The following NWD2 variants were observed in gnomAD, a reference collection of about 807,000 sequenced individuals.
NWD2 encodes NACHT and WD repeat domain containing 2.
Under a neutral mutation model 132.7 loss-of-function variants are expected in NWD2, and 37 were observed. That is an observed-to-expected ratio of 0.28 (90% CI 0.21 to 0.37). The LOEUF is 0.37. NWD2 is among the 10% of genes least tolerant of loss of function. The pLI, the probability that NWD2 is intolerant of heterozygous loss-of-function variation, is 1.00. For missense variants in NWD2, 1,592 were observed against 2,122.4 expected, an observed-to-expected ratio of 0.75 and a Z score of 4.91; for synonymous variants, 705 against 803.0, an observed-to-expected ratio of 0.88 and a Z score of 2.06.
intron 1 of NWD2, among the ~76,000 whole-genome samples, chr4:37,311,141 A>G (rs1718833064): frequency 6.6e-6 from 1 of 151,932 alleles, no homozygotes; most frequent in Non-Finnish European, 1.5e-5. Context: ...TCCTTTGGGT[A>G]TATACCCAGT....
chr4:37,425,224 A>G (rs1475534610), intron 3 of NWD2, among the ~76,000 whole-genome samples: 2 of 152,236 alleles, frequency 1.3e-5, no homozygotes, highest in Admixed American at 1.3e-4. Flanking sequence ...CTACATTTAC[A>G]GTGTTGTACA....
At chr4:37,330,059 A>G (rs1369826343) in intron 2 of NWD2, among the ~76,000 whole-genome samples, 1 of 152,228 alleles carries the variant, frequency 6.6e-6, no homozygotes, top group Non-Finnish European at 1.5e-5. Context: ...AGAAATTAAT[A>G]GAATATCAAT....
chr4:37,342,435 C>T (rs947475391), intron 2 of NWD2, among the ~76,000 whole-genome samples: 4 of 152,152 alleles, frequency 2.6e-5, no homozygotes, highest in Non-Finnish European at 5.9e-5. Context: ...TTATAAACTT[C>T]CCAGTCTCAG....
intron 1 of NWD2, among the ~76,000 whole-genome samples, chr4:37,256,717 C>T (rs146030764): frequency 6.6e-6 from 1 of 152,204 alleles, no homozygotes; most frequent in East Asian, 1.9e-4. Flanking sequence ...TTTACAGAAG[C>T]AATTTCAGTA....
At chr4:37,380,803 T>C (rs1720436588) in intron 3 of NWD2, among the ~76,000 whole-genome samples, 1 of 152,202 alleles carries the variant, frequency 6.6e-6, no homozygotes, top group Non-Finnish European at 1.5e-5. Flanking sequence ...AGCAGGCAGG[T>C]GGAATTCGGA....
chr4:37,342,592 C>A (rs368672786), intron 2 of NWD2, among the ~76,000 whole-genome samples: 1 of 152,174 alleles, frequency 6.6e-6, no homozygotes, highest in African/African-American at 2.4e-5. Flanking sequence ...CACAGACACA[C>A]AACAACTTCC....
chr4:37,348,663 T>TAC (rs1367570594), intron 2 of NWD2, among the ~76,000 whole-genome samples: 3 of 74,314 alleles, frequency 4.0e-5, no homozygotes, highest in African/African-American at 1.4e-4. Context: ...TATATATATA[T>TAC]ATATATATAT....
chr4:37,289,333 T>A (rs1718311191), intron 1 of NWD2, among the ~76,000 whole-genome samples: 1 of 152,208 alleles, frequency 6.6e-6, no homozygotes, highest in Non-Finnish European at 1.5e-5. Flanking sequence ...AGTACTTAGC[T>A]TTTGGATACT....
At chr4:37,332,475 A>ACCCAGTCC (rs1160850533) in intron 2 of NWD2, among the ~76,000 whole-genome samples, 1 of 144,416 alleles carries the variant, frequency 6.9e-6, no homozygotes, top group Non-Finnish European at 1.5e-5. Context: ...AAAAAAAAGG[A>ACCCAGTCC]CCCAGTCCTA....
At chr4:37,329,877 T>C (rs765726103) in intron 2 of NWD2, among the ~76,000 whole-genome samples, 107 of 152,014 alleles carry the variant, frequency 7.0e-4, no homozygotes, top group Non-Finnish European at 3.5e-4. Flanking sequence ...GTGTAGATAA[T>C]GAAACGTCAT....
chr4:37,416,032 A>C (rs1711588694), intron 3 of NWD2, among the ~76,000 whole-genome samples: 1 of 152,228 alleles, frequency 6.6e-6, no homozygotes, highest in Non-Finnish European at 1.5e-5. Flanking sequence ...AGGCATTCCA[A>C]GCATGGCTGA....
rs113200028 is a variant in NWD2, at chr4:37,371,809, C to T, written c.357+15327C>T. On this transcript the variant is annotated intron_variant, in intron 3 of 6. Transcript: ENST00000309447. Reference sequence around the variant, plus strand: ...TCTAATTTTGCCCTGCAATGCAGAACGCTTTTCCCTAAAAGTTTTCTAATG... The same window carrying T: ...TCTAATTTTGCCCTGCAATGCAGAATGCTTTTCCCTAAAAGTTTTCTAATG... Among the ~76,000 whole-genome samples the T allele has an allele frequency of 4.3e-3, 652 of 152,262 alleles. 5 individuals carry two copies. Among genetic ancestry groups the T allele is most frequent in the African/African-American group, 0.015 (623 of 41,542 alleles).
intron 1 of NWD2, among the ~76,000 whole-genome samples, chr4:37,262,737 C>T (rs1717666124): frequency 1.3e-5 from 2 of 152,084 alleles, no homozygotes; most frequent in African/African-American, 4.8e-5. Context: ...TGGTCCAACC[C>T]TTGAGAATAA....
At chr4:37,295,275 G>A (rs1328599785) in intron 1 of NWD2, among the ~76,000 whole-genome samples, 2 of 152,110 alleles carry the variant, frequency 1.3e-5, no homozygotes, top group African/African-American at 4.8e-5. Flanking sequence ...TCCAATCAAA[G>A]TATTCCTTAG....
chr4:37,434,657 A>G (rs900295750), intron 5 of NWD2, among the ~76,000 whole-genome samples: 1 of 152,174 alleles, frequency 6.6e-6, no homozygotes, highest in African/African-American at 2.4e-5. Flanking sequence ...CAGAACTGAC[A>G]GTGCCATATG....
chr4:37,360,732 A>G (rs181095682), intron 3 of NWD2, among the ~76,000 whole-genome samples: 1 of 152,340 alleles, frequency 6.6e-6, no homozygotes, highest in East Asian at 1.9e-4. Context: ...GGAGAGGAAT[A>G]CGGCCTTTTG....
At chr4:37,363,334 C>T (rs139474854) in intron 3 of NWD2, among the ~76,000 whole-genome samples, 209 of 152,192 alleles carry the variant, frequency 1.4e-3, no homozygotes, top group Non-Finnish European at 2.3e-3. Flanking sequence ...GTCTTTCTAC[C>T]AAAAAGACAC....
At chr4:37,377,150 C>T (rs957957261) in intron 3 of NWD2, among the ~76,000 whole-genome samples, 2 of 152,146 alleles carry the variant, frequency 1.3e-5, no homozygotes, top group African/African-American at 4.8e-5. Context: ...AGGCCAGTGA[C>T]ATATAGACCA....
rs559947001 is a variant in NWD2 at position 37,280,010 on chromosome 4, C to G, written c.151+34792C>G. Among the ~76,000 whole-genome samples the G allele has an allele frequency of 2.0e-5, 3 of 152,290 alleles. No homozygotes were observed. The South Asian group carries it at 6.2e-4, about 32-fold the overall frequency. ...TAAATGGCTGCAGAGCCAGAGAAAG[C>G]ATGACACTTGTTTTTAGAGTTTTCC... On this transcript the variant is annotated intron_variant, in intron 1 of 6. Coordinates refer to ENST00000309447, the MANE Select transcript of NWD2 (RefSeq NM_001144990.2).
Sources: allele counts gnomAD v4.1 joint callset (sites outside exome capture counted in the v4.1 genomes callset), GRCh38; gene constraint gnomAD v4.1.1; transcripts MANE v1.5; gene names NCBI Gene and HGNC (gene_info 2026-07-23, HGNC 2026-07-21).